COL14A1: variants seen among roughly 807,000 people sequenced by gnomAD.
COL14A1 encodes collagen type XIV alpha 1 chain, also known as collagen alpha-1(XIV) chain.
COL14A1 carries 136 observed loss-of-function variants against 230.3 expected under a neutral mutation model. The observed-to-expected ratio is 0.59, with a 90% CI of 0.51 to 0.68. COL14A1 has a LOEUF of 0.68. Among genes scored for constraint, COL14A1 ranks in the 30% least tolerant of loss-of-function variants. COL14A1 has a pLI of 0.00. For missense variants in COL14A1, 1,976 were observed against 2,215.8 expected, an observed-to-expected ratio of 0.89 and a Z score of 2.17; for synonymous variants, 792 against 784.1, an observed-to-expected ratio of 1.01 and a Z score of -0.17.
intron 35 of COL14A1, among the ~76,000 whole-genome samples, 193 bp from the exon 36 acceptor site, chr8:120,300,539 T>C (rs539540058): frequency 1.3e-5 from 2 of 152,118 alleles, no homozygotes; most frequent in African/African-American, 4.8e-5. Flanking sequence ...ATAGTGATTA[T>C]CAGTGACTAG....
chr8:120,168,231 A>T lies in COL14A1; in HGVS notation c.420A>T (p.Arg140Ser). 1 of 1,610,196 alleles carries T rather than the reference A, an allele frequency of 6.2e-7. No individual in the cohort carries two copies. The highest frequency in any genetic ancestry group is 8.5e-7 in the Non-Finnish European group (1 of 1,177,868). The change falls in exon 5 of 48, where the codon AGA becomes AGT. Residue 140 changes from arginine to serine, a missense_variant. Transcript: ENST00000297848. ...TTGTGGACAGAGGAAATGGGAGTAG[A>T]CCATCTTCACCAGAAGGTCAGAGAC... ...VKVVDRGNGSRPSSPEEVKFV... is the reference protein window; with the variant it reads ...VKVVDRGNGSSPSSPEEVKFV...
chr8:120,163,515 G>A (rs909684623), intron 4 of COL14A1, among the ~76,000 whole-genome samples: 3 of 152,152 alleles, frequency 2.0e-5, no homozygotes, highest in Non-Finnish European at 4.4e-5. Flanking sequence ...TGTAATCCCA[G>A]CACTTTGGGA....
intron 37 of COL14A1, 134 bp downstream of exon 37, chr8:120,310,196 C>T (rs1281987892): frequency 1.3e-6 from 1 of 775,278 alleles, no homozygotes; most frequent in African/African-American, 1.7e-5. Context: ...GAAAGTTGTG[C>T]CTAACCCTTC....
intron 43 of COL14A1, 101 bp from the exon 44 acceptor site, chr8:120,342,279 C>T: frequency 1.7e-6 from 2 of 1,208,560 alleles, no homozygotes; most frequent in Non-Finnish European, 1.2e-6. Context: ...CCAAAGATCC[C>T]TGATGGGAAC....
rs146522434 is a variant in COL14A1 at position 120,314,055 on chromosome 8, G to A, written c.4551+28G>A. 15 of 1,476,114 alleles carry A rather than the reference G, an allele frequency of 1.0e-5. No homozygotes were observed. In the East Asian group the frequency reaches 3.5e-4, roughly 35 times the overall value. 91.4% of individuals were successfully genotyped at this position (1,476,114 alleles called of 1,614,324 possible). A position where few individuals can be genotyped will look rare whatever the true frequency, so the allele number is the denominator to read the frequency against. On this transcript the variant is annotated intron_variant, in intron 38 of 47. Transcript: ENST00000297848. ...GAGTTGTGTTCAAACATTCAGACGG[G>A]TTTTATTGTTATCTCTTTTCCATGA...
intron 5 of COL14A1, among the ~76,000 whole-genome samples, chr8:120,194,739 G>C (rs1448491374): frequency 2.0e-5 from 3 of 152,026 alleles, no homozygotes; most frequent in Non-Finnish European, 4.4e-5. Flanking sequence ...ATTTATAAGT[G>C]AAATAATATC....
intron 36 of COL14A1, among the ~76,000 whole-genome samples, chr8:120,308,845 C>A (rs1315705069): frequency 6.6e-6 from 1 of 152,190 alleles, no homozygotes; most frequent in Non-Finnish European, 1.5e-5. Flanking sequence ...AATATAAATT[C>A]TGTCTAGTGC....
At chr8:120,370,952 T>G in intron 47 of COL14A1, 200 bp from the exon 48 acceptor site, 5 of 1,113,940 alleles carry the variant, frequency 4.5e-6, no homozygotes, top group Non-Finnish European at 6.2e-6. Flanking sequence ...TAACAATTTC[T>G]GTAATGTATC....
At position 120,199,437 on chromosome 8, in the gene COL14A1, A is replaced by C. The variant is rs1311590620; in HGVS notation, c.748A>C (p.Lys250Gln). Residue 250 changes from lysine to glutamine, a missense_variant, in exon 8 of 48, where the codon AAA (lysine) becomes CAA (glutamine). By Grantham distance (53) the Lys-to-Gln change is moderately conservative. Around this residue, in one of 3 missense-constraint regions of COL14A1, gnomAD observed 1,791 missense variants for 2,019.5 expected, o/e 0.89. Transcript: ENST00000297848. Reference protein sequence around the residue: ...ALNYIFENSFKPEAGSRTGVS... With the variant: ...ALNYIFENSFQPEAGSRTGVS... ...GAACTACATTTTTGAAAATAGCTTC[A>C]AACCAGAAGCAGGATCAAGGACTGG... 1 of 1,607,222 alleles carries C rather than the reference A, an allele frequency of 6.2e-7. No homozygotes were observed. Among genetic ancestry groups the C allele is most frequent in the Non-Finnish European group, 8.5e-7 (1 of 1,178,170 alleles).
chr8:120,154,547 A>G (rs1000550000), intron 2 of COL14A1, among the ~76,000 whole-genome samples: 2 of 152,122 alleles, frequency 1.3e-5, no homozygotes, highest in African/African-American at 4.8e-5. Flanking sequence ...CTTTGGGATG[A>G]TGTTTATATA....
At chr8:120,164,753 G>C (rs1401014932) in intron 4 of COL14A1, among the ~76,000 whole-genome samples, 1 of 152,148 alleles carries the variant, frequency 6.6e-6, no homozygotes, top group Non-Finnish European at 1.5e-5. Context: ...TCATTTTACT[G>C]GCACTGCACT....
At position 120,294,414 on chromosome 8, in the gene COL14A1, G is replaced by A. The variant is rs959732649; in HGVS notation, c.4237-3097G>A. Reference sequence around the variant, plus strand: ...AAGAGATTATGAAAAGTGAAAGTGGGAGGTTTTGTGTCTCTTCCTCTTTTT... The same window carrying A: ...AAGAGATTATGAAAAGTGAAAGTGGAAGGTTTTGTGTCTCTTCCTCTTTTT... On this transcript the variant is annotated intron_variant, in intron 34 of 47. Coordinates refer to ENST00000297848, the MANE Select transcript of COL14A1 (RefSeq NM_021110.4). 2.7e-4 allele frequency among the ~76,000 whole-genome samples: 39 copies of A among 142,390 alleles called. 1 individual carries two copies. The highest frequency in any genetic ancestry group is 2.4e-3 in the Admixed American group (33 of 13,972). 93.4% of individuals were successfully genotyped at this position (142,390 alleles called of 152,430 possible).
intron 19 of COL14A1, among the ~76,000 whole-genome samples, chr8:120,243,349 A>G (rs1203822728): frequency 6.6e-6 from 1 of 152,188 alleles, no homozygotes; most frequent in African/African-American, 2.4e-5. Flanking sequence ...GCTGGTAAAT[A>G]TGCTTCAGCT....
chr8:120,218,737 T>C (rs551564526), intron 14 of COL14A1, among the ~76,000 whole-genome samples: 1 of 152,292 alleles, frequency 6.6e-6, no homozygotes, highest in South Asian at 2.1e-4. Context: ...ATGACAAGGA[T>C]ACTAGGGACT....
intron 36 of COL14A1, among the ~76,000 whole-genome samples, chr8:120,307,890 G>A (rs895641473): frequency 6.6e-6 from 1 of 152,142 alleles, no homozygotes; most frequent in Non-Finnish European, 1.5e-5. Flanking sequence ...TTCACTTAAC[G>A]ATTCTACTCT....
At chr8:120,194,034 C>G (rs914515568) in intron 5 of COL14A1, among the ~76,000 whole-genome samples, 27 of 152,212 alleles carry the variant, frequency 1.8e-4, no homozygotes, top group Admixed American at 7.2e-4. Context: ...TGCTTCGGCT[C>G]GCGCACGGTG....
At chr8:120,192,314 T>A (rs183482427) in intron 5 of COL14A1, among the ~76,000 whole-genome samples, 2,052 of 152,282 alleles carry the variant, frequency 0.013, 30 homozygotes, top group Middle Eastern at 0.031. Flanking sequence ...AAGCTTAGTT[T>A]GGCTGGATAT....
chr8:120,158,589 T>C (rs1399403973), intron 3 of COL14A1, among the ~76,000 whole-genome samples: 1 of 152,194 alleles, frequency 6.6e-6, no homozygotes, highest in Admixed American at 6.5e-5. Flanking sequence ...CTATTATTAA[T>C]TAACTCAATA....
Position 120,282,860 on chromosome 8 carries a change from G to A in COL14A1, c.3825-776G>A, listed in dbSNP as rs1586829969. 2.6e-5 allele frequency among the ~76,000 whole-genome samples: 4 copies of A among 152,226 alleles called. No homozygotes were observed. In the South Asian group the frequency reaches 8.3e-4, roughly 32 times the overall value. On this transcript the variant is annotated intron_variant, in intron 31 of 47. Transcript: ENST00000297848. ...TGTTCCCTCATGGAAGGGAACAGCA[G>A]GACACAGGACAAGCCAAGAGGGAGA...
Sources: allele counts gnomAD v4.1 joint callset (sites outside exome capture counted in the v4.1 genomes callset), GRCh38; gene constraint gnomAD v4.1.1; regional missense constraint gnomAD v4.1.1; transcripts MANE v1.5; gene names NCBI Gene and HGNC (gene_info 2026-07-23, HGNC 2026-07-21).